The following GTF2A1 variants were observed in gnomAD, a reference collection of about 807,000 sequenced individuals.
The protein encoded by GTF2A1 is general transcription factor IIA subunit 1, also known as transcription initiation factor IIA subunit 1.
A neutral mutation model predicts 54.1 loss-of-function variants in GTF2A1; 12 were observed. That is an observed-to-expected ratio of 0.22 (90% confidence interval 0.14 to 0.36). GTF2A1 has a LOEUF of 0.36. GTF2A1 is among the 10% of genes least tolerant of loss of function. The pLI is 1.00. For synonymous variants in GTF2A1, 145 were observed against 152.0 expected, an observed-to-expected ratio of 0.95 and a Z score of 0.34; for missense variants, 335 against 442.2, an observed-to-expected ratio of 0.76 and a Z score of 2.17.
intron 7 of GTF2A1, among the ~76,000 whole-genome samples, chr14:81,190,008 A>G (rs1186769537): frequency 3.1e-4 from 3 of 9,566 alleles, no homozygotes; most frequent in African/African-American, 1.8e-3. Context: ...CTGAACAGGG[A>G]AAAAAAAAGA....
chr14:81,219,320 G>C (rs1893556179), intron 1 of GTF2A1, among the ~76,000 whole-genome samples: 2 of 152,190 alleles, frequency 1.3e-5, no homozygotes, highest in Admixed American at 1.3e-4. Flanking sequence ...CCTGGCTCTT[G>C]CCTCGGGAGC....
chr14:81,205,486 T>C (rs1328760343), intron 2 of GTF2A1, among the ~76,000 whole-genome samples: 1 of 152,262 alleles, frequency 6.6e-6, no homozygotes, highest in Non-Finnish European at 1.5e-5. Flanking sequence ...TCACTGGTTG[T>C]TGAGAGGATT....
At chr14:81,207,411 T>C (rs1311791046) in intron 2 of GTF2A1, among the ~76,000 whole-genome samples, 1 of 152,196 alleles carries the variant, frequency 6.6e-6, no homozygotes, top group Non-Finnish European at 1.5e-5. Flanking sequence ...CCTACCGCCA[T>C]GATTTTGAGG....
chr14:81,192,638 G>A lies in GTF2A1; in HGVS notation c.814C>T (p.Gln272Ter). The A allele has an allele frequency of 6.2e-7, 1 of 1,613,724 alleles. No individual in the cohort carries two copies. The highest frequency in any genetic ancestry group is 8.5e-7 in the Non-Finnish European group (1 of 1,179,652). Reference sequence around the variant, plus strand: ...GATGTATCCCCAGTTCCATCAACTTGTAAGACCAATGGAGCTTGTGTTTGA... The same window carrying A: ...GATGTATCCCCAGTTCCATCAACTTATAAGACCAATGGAGCTTGTGTTTGA... ...PAQTQAPLVL[Q>*]VDGTGDTSSE... The change falls in exon 7 of 9, where the codon CAA (glutamine) becomes TAA (stop). Residue 272 changes from glutamine to a stop codon, truncating the protein, a stop_gained. Coordinates refer to ENST00000553612, the MANE Select transcript of GTF2A1 (RefSeq NM_015859.4). LOFTEE classifies it high-confidence loss of function.
chr14:81,210,604 G>C (rs978656546), intron 2 of GTF2A1, among the ~76,000 whole-genome samples: 1 of 152,088 alleles, frequency 6.6e-6, no homozygotes, highest in African/African-American at 2.4e-5. Context: ...GTCCGGGCTG[G>C]AGTGCAATGG....
At chr14:81,202,460 A>T (rs1835465722) in intron 3 of GTF2A1, among the ~76,000 whole-genome samples, 1 of 152,138 alleles carries the variant, frequency 6.6e-6, no homozygotes, top group African/African-American at 2.4e-5. Context: ...GGGTGCAGGG[A>T]TGCATGCCTG....
chr14:81,196,058 T>C (rs1444864237), intron 6 of GTF2A1, 50 bp downstream of exon 6: 3 of 1,550,880 alleles, frequency 1.9e-6, no homozygotes, highest in Admixed American at 3.4e-5. Flanking sequence ...AGGGAATACA[T>C]ACAGAATAAA....
chr14:81,215,669 C>A (rs1893472963), intron 2 of GTF2A1, among the ~76,000 whole-genome samples: 1 of 152,148 alleles, frequency 6.6e-6, no homozygotes, highest in Non-Finnish European at 1.5e-5. Context: ...ACCTAAAATT[C>A]TTTTATCAAG....
At chr14:81,198,419 G>A (rs568588958) in intron 4 of GTF2A1, among the ~76,000 whole-genome samples, 4 of 152,294 alleles carry the variant, frequency 2.6e-5, no homozygotes, top group Admixed American at 2.6e-4. Context: ...ACTCCAGCCT[G>A]GGCAATAGTC....
intron 2 of GTF2A1, among the ~76,000 whole-genome samples, chr14:81,206,817 C>A (rs1293066211): frequency 6.6e-6 from 1 of 151,930 alleles, no homozygotes; most frequent in Non-Finnish European, 1.5e-5. Flanking sequence ...CTTCTCCGTC[C>A]CTCTCTTTCC....
At chr14:81,220,342 GC>G (rs1331200094) in intron 1 of GTF2A1, 146 bp downstream of exon 1, 2 of 260,476 alleles carry the variant, frequency 7.7e-6, no homozygotes, top group Non-Finnish European at 1.3e-5. Flanking sequence ...GGCCCGATCC[GC>G]CCGAGGCGGG....
rs1454470527 is a variant in GTF2A1 at position 81,178,711 on chromosome 14, C to G, written c.*1512G>C. On this transcript the variant is annotated 3_prime_UTR_variant, in exon 9 of 9. Transcript: ENST00000553612. ...TACTTTAAAAAGTGTTCATGTGTTACTTCTGAAAACACAAAGGCAAAAGGA... is the reference window on the plus strand; with the variant it reads ...TACTTTAAAAAGTGTTCATGTGTTAGTTCTGAAAACACAAAGGCAAAAGGA... 1 of 152,054 alleles carries G rather than the reference C, an allele frequency of 6.6e-6. No individual in the cohort carries two copies. Among genetic ancestry groups the G allele is most frequent in the African/African-American group, 2.4e-5 (1 of 41,400 alleles). The allele number at this position is 152,054 out of a possible 1,614,324, so 9.4% of individuals were successfully genotyped here.
At chr14:81,192,886 A>C (rs767768023) in intron 6 of GTF2A1, 47 bp from the exon 7 acceptor site, 2 of 1,030,016 alleles carry the variant, frequency 1.9e-6, no homozygotes, top group Admixed American at 2.0e-5. Flanking sequence ...AAGAGGATCA[A>C]GTATGGTACA....
chr14:81,211,242 C>T (rs982947245), intron 2 of GTF2A1, among the ~76,000 whole-genome samples: 7 of 152,148 alleles, frequency 4.6e-5, no homozygotes, highest in African/African-American at 1.7e-4. Context: ...TACCCCAGGA[C>T]CCTCACTTGC....
rs1349427561 is a variant in GTF2A1, at chr14:81,220,148, G to C, written c.30+341C>G. Among the ~76,000 whole-genome samples the C allele has an allele frequency of 1.4e-3, 205 of 151,076 alleles. 1 individual carries two copies. The highest frequency in any genetic ancestry group is 1.0e-3 in the South Asian group (5 of 4,810). ...GCGGACGGGCCCCTCGGGGGGAAGC[G>C]GCGGCTCCCCTCCCGCCCTCCCTCC... On this transcript the variant is annotated intron_variant, in intron 1 of 8. Transcript: ENST00000553612.
intron 2 of GTF2A1, among the ~76,000 whole-genome samples, chr14:81,212,056 CT>C: frequency 6.6e-6 from 1 of 151,802 alleles, no homozygotes; most frequent in East Asian, 1.9e-4. Context: ...TGCTAACATT[CT>C]ACAATCAATA....
chr14:81,188,384 T>A (rs1276776200), intron 7 of GTF2A1, among the ~76,000 whole-genome samples: 1 of 151,914 alleles, frequency 6.6e-6, no homozygotes, highest in Non-Finnish European at 1.5e-5. Context: ...TGAGATTCTG[T>A]CTCAAACAAA....
chr14:81,208,205 T>A (rs901987620), intron 2 of GTF2A1, among the ~76,000 whole-genome samples: 1 of 152,140 alleles, frequency 6.6e-6, no homozygotes, highest in Non-Finnish European at 1.5e-5. Context: ...AGGGTCCCCA[T>A]GCTGTGTGCA....
chr14:81,199,763 G>C (rs865904173), intron 4 of GTF2A1, among the ~76,000 whole-genome samples: 2 of 152,084 alleles, frequency 1.3e-5, no homozygotes, highest in Non-Finnish European at 2.9e-5. Context: ...GTAAGAGATG[G>C]ACCACTAATT....
Sources: allele counts gnomAD v4.1 joint callset (sites outside exome capture counted in the v4.1 genomes callset), GRCh38; gene constraint gnomAD v4.1.1; transcripts MANE v1.5; gene names NCBI Gene and HGNC (gene_info 2026-07-23, HGNC 2026-07-21).